The following EXOC1 variants were observed in gnomAD, a reference collection of about 807,000 sequenced individuals.
The protein encoded by EXOC1 is exocyst complex component 1.
Under a neutral mutation model 107.7 loss-of-function variants are expected in EXOC1, and 67 were observed. The ratio of observed to expected loss-of-function variants is 0.62; its 90% CI spans 0.51 to 0.76. The LOEUF (loss-of-function observed/expected upper bound fraction) is 0.76, where lower values mean the gene tolerates loss of function less well. EXOC1 is among the 30% of genes least tolerant of loss of function. The probability of loss-of-function intolerance (pLI) is 0.00; values close to 1 mark genes in which losing one functional copy is unlikely to be tolerated. For missense variants in EXOC1, 833 were observed against 1,055.7 expected, an observed-to-expected ratio of 0.79 and a Z score of 2.92; for synonymous variants, 348 against 353.5, an observed-to-expected ratio of 0.98 and a Z score of 0.17.
intron 1 of EXOC1, 37 bp from the exon 2 acceptor site, chr4:55,858,277 G>A: frequency 6.5e-7 from 1 of 1,532,898 alleles, no homozygotes; most frequent in South Asian, 1.3e-5. Context: ...GAATGATGTT[G>A]AGGGTGAGCT....
chr4:55,877,542 T>C (rs1577722075), intron 8 of EXOC1: 2 of 985,280 alleles, frequency 2.0e-6, no homozygotes, highest in Admixed American at 1.2e-4. Context: ...ATGATTTCTC[T>C]ATTTGTGTTT....
At chr4:55,878,255 A>C (rs1723076222) in intron 9 of EXOC1, among the ~76,000 whole-genome samples, 189 bp downstream of exon 9, 1 of 152,166 alleles carries the variant, frequency 6.6e-6, no homozygotes, top group African/African-American at 2.4e-5. Context: ...TAAATTTTAA[A>C]CTTCAGTATG....
At chr4:55,889,896 C>A (rs1724313848) in intron 11 of EXOC1, among the ~76,000 whole-genome samples, 1 of 152,120 alleles carries the variant, frequency 6.6e-6, no homozygotes, top group South Asian at 2.1e-4. Context: ...GGAAAAGAAA[C>A]CCTCATCTAC....
chr4:55,871,268 G>C, intron 7 of EXOC1, 35 bp downstream of exon 7: 4 of 1,592,804 alleles, frequency 2.5e-6, no homozygotes, highest in Non-Finnish European at 3.4e-6. Flanking sequence ...ATGTGACCAA[G>C]AATGTGAGAC....
chr4:55,899,560 A>G, intron 16 of EXOC1, 125 bp from the exon 17 acceptor site: 2 of 802,932 alleles, frequency 2.5e-6, no homozygotes, highest in Non-Finnish European at 3.8e-6. Flanking sequence ...AATATATTGT[A>G]TTAAGTCCAG....
At chr4:55,899,999 G>C in intron 17 of EXOC1, 115 bp downstream of exon 17, 1 of 810,848 alleles carries the variant, frequency 1.2e-6, no homozygotes, top group Non-Finnish European at 1.9e-6. Context: ...GTGCACAGGG[G>C]ACTCAGTTAT....
In EXOC1 at chr4:55,888,944, T is replaced by A. The variant is rs750164104; in HGVS notation, c.1375+12T>A. On this transcript the variant is annotated intron_variant, in intron 11 of 18. Coordinates refer to ENST00000381295, the MANE Select transcript of EXOC1 (RefSeq NM_001024924.2). ...ACAGGAAACAGAGAGTGAGTATGCT[T>A]AGTGTATTAGTAGGTATTCTCAATG... The A allele has an allele frequency of 4.3e-6, 7 of 1,612,964 alleles. No homozygotes were observed. Among genetic ancestry groups the A allele is most frequent in the Non-Finnish European group, 5.9e-6 (7 of 1,179,114 alleles).
intron 8 of EXOC1, among the ~76,000 whole-genome samples, chr4:55,872,544 C>A (rs1368829058): frequency 6.6e-6 from 1 of 151,758 alleles, no homozygotes; most frequent in Non-Finnish European, 1.5e-5. Flanking sequence ...GAATAAAAGC[C>A]ATTTTAATAT....
chr4:55,894,600 C>A (rs544139486), intron 15 of EXOC1, among the ~76,000 whole-genome samples: 1 of 126,742 alleles, frequency 7.9e-6, no homozygotes, highest in Non-Finnish European at 1.7e-5. Context: ...TGACAACTTT[C>A]TTACTATCTG....
At chr4:55,873,927 TA>T (rs1418314907) in intron 8 of EXOC1, among the ~76,000 whole-genome samples, 6 of 152,186 alleles carry the variant, frequency 3.9e-5, no homozygotes, top group African/African-American at 1.4e-4. Flanking sequence ...TATATAAGAA[TA>T]AGCAATAGTT....
chr4:55,877,825 C>T, intron 8 of EXOC1, 92 bp from the exon 9 acceptor site: 1 of 1,539,782 alleles, frequency 6.5e-7, no homozygotes, highest in Non-Finnish European at 8.7e-7. Flanking sequence ...ATTGGTTTGG[C>T]TTGGCCACAT....
At chr4:55,869,933 A>G (rs1219610333) in intron 5 of EXOC1, among the ~76,000 whole-genome samples, 1 of 152,128 alleles carries the variant, frequency 6.6e-6, no homozygotes, top group East Asian at 1.9e-4. Flanking sequence ...AAGTCAGCAT[A>G]TTGCTTTGCA....
Position 55,864,338 on chromosome 4 carries a change from C to G in EXOC1, c.367C>G (p.Leu123Val), listed in dbSNP as rs770644896. The G allele has an allele frequency of 1.2e-6, 2 of 1,610,762 alleles. No homozygotes were observed. Among genetic ancestry groups the G allele is most frequent in the Non-Finnish European group, 8.5e-7 (1 of 1,178,810 alleles). Residue 123 changes from leucine to valine, a missense_variant, in exon 4 of 19, where the codon CTC (leucine) becomes GTC (valine). Around this residue, in one of 2 missense-constraint regions of EXOC1, gnomAD observed 617 missense variants for 701.3 expected, o/e 0.88. Transcript: ENST00000381295. ...CATTTGGAAATTGAATCAGCGATAT[C>G]TCCGGAAGAAAATTGATTTTGTCAA... is the stretch of plus-strand genomic sequence containing the variant. ...SCIWKLNQRY[L>V]RKKIDFVNVS... is the part of the protein sequence containing the mutation.
At chr4:55,889,007 A>G (rs904688491) in intron 11 of EXOC1, 75 bp downstream of exon 11, 65 of 1,507,918 alleles carry the variant, frequency 4.3e-5, no homozygotes, top group Non-Finnish European at 5.5e-5. Context: ...TTGTCTTGAA[A>G]AAAGGTAACA....
At chr4:55,887,488 T>C (rs1371453341) in intron 10 of EXOC1, among the ~76,000 whole-genome samples, 1 of 152,146 alleles carries the variant, frequency 6.6e-6, no homozygotes, top group Non-Finnish European at 1.5e-5. Context: ...ATATTTAACA[T>C]TTTACCTGAG....
intron 15 of EXOC1, among the ~76,000 whole-genome samples, chr4:55,896,328 A>AT (rs1577776315): frequency 2.0e-5 from 3 of 151,710 alleles, no homozygotes; most frequent in African/African-American, 7.2e-5. Flanking sequence ...TTTTTTTTGT[A>AT]TTTTTTGTAG....
At chr4:55,858,073 A>G (rs572954747) in intron 1 of EXOC1, among the ~76,000 whole-genome samples, 2 of 152,214 alleles carry the variant, frequency 1.3e-5, no homozygotes, top group Admixed American at 1.3e-4. Flanking sequence ...TTTTTCTTAA[A>G]TCTTGTGTGT....
At chr4:55,855,351 G>T (rs1351438949) in intron 1 of EXOC1, among the ~76,000 whole-genome samples, 1 of 152,170 alleles carries the variant, frequency 6.6e-6, no homozygotes, top group Admixed American at 6.5e-5. Context: ...CAGATTTCAT[G>T]TTGATAAGGG....
At position 55,864,277 on chromosome 4, in the gene EXOC1, C is replaced by T. The variant is rs779044412; in HGVS notation, c.306C>T (p.Ala102=). The change falls in exon 4 of 19, where the codon GCC becomes GCT. Residue 102 remains alanine, a synonymous_variant. Coordinates refer to ENST00000381295, the MANE Select transcript of EXOC1 (RefSeq NM_001024924.2). Reference sequence around the variant, plus strand: ...TTGAAAAAATATATAAATGGGTTGCCAGCAGCACTGCTGAAAAGAATGCAT... The same window carrying T: ...TTGAAAAAATATATAAATGGGTTGCTAGCAGCACTGCTGAAAAGAATGCAT... ...LHFEKIYKWV[A]SSTAEKNAFI... 19 of 1,605,388 alleles carry T rather than the reference C, an allele frequency of 1.2e-5. No homozygotes were observed. The highest frequency in any genetic ancestry group is 3.4e-5 in the South Asian group (3 of 88,834).
Sources: allele counts gnomAD v4.1 joint callset (sites outside exome capture counted in the v4.1 genomes callset), GRCh38; gene constraint gnomAD v4.1.1; regional missense constraint gnomAD v4.1.1; transcripts MANE v1.5; gene names NCBI Gene and HGNC (gene_info 2026-07-23, HGNC 2026-07-21).